KAZN: variants seen among roughly 807,000 people sequenced by gnomAD.
The protein encoded by KAZN is kazrin.
A neutral mutation model predicts 87.4 loss-of-function variants in KAZN; 40 were observed. That is an observed-to-expected ratio of 0.46 (90% CI 0.36 to 0.60). The LOEUF (loss-of-function observed/expected upper bound fraction) is 0.60, where lower values mean the gene tolerates loss of function less well. Among genes scored for constraint, KAZN ranks in the 20% least tolerant of loss-of-function variants. KAZN has a pLI of 0.00. For missense variants in KAZN, 898 were observed against 1,073.9 expected, an observed-to-expected ratio of 0.84 and a Z score of 2.29; for synonymous variants, 466 against 458.3, an observed-to-expected ratio of 1.02 and a Z score of -0.22.
intron 1 of KAZN, among the ~76,000 whole-genome samples, chr1:14,697,363 A>G (rs1641675271): frequency 6.6e-6 from 1 of 152,088 alleles, no homozygotes; most frequent in African/African-American, 2.4e-5. Context: ...AAAGAAAAGA[A>G]AAAGAAAAGG....
rs1171889480 is a variant in KAZN at position 14,934,102 on chromosome 1, G to A, written c.227-26582G>A. 4.6e-5 allele frequency among the ~76,000 whole-genome samples: 7 copies of A among 151,862 alleles called. No homozygotes were observed. In the East Asian group the frequency reaches 5.8e-4, roughly 13 times the overall value. On this transcript the variant is annotated intron_variant, in intron 1 of 14. Transcript: ENST00000376030. ...GATCTCCTGACCTTGTGATCCGCCC[G>A]CCTCGGCCTCCCAAAGTGCTGGGAT... is the stretch of plus-strand genomic sequence containing the variant.
intron 2 of KAZN, among the ~76,000 whole-genome samples, chr1:14,975,956 C>T (rs547636340): frequency 3.4e-5 from 5 of 148,572 alleles, no homozygotes; most frequent in African/African-American, 1.2e-4. Context: ...GGCGCGAACC[C>T]GGGAGGCGGA....
At chr1:14,529,121 T>C (rs947542789) in intron 2 of KAZN, among the ~76,000 whole-genome samples, 1 of 152,110 alleles carries the variant, frequency 6.6e-6, no homozygotes, top group Non-Finnish European at 1.5e-5. Flanking sequence ...ATGACCAGCA[T>C]GGTGAAACCC....
intron 2 of KAZN, among the ~76,000 whole-genome samples, chr1:14,419,938 C>T (rs551616410): frequency 2.0e-5 from 3 of 152,164 alleles, no homozygotes; most frequent in African/African-American, 4.8e-5. Flanking sequence ...AAGAACAAAA[C>T]TTCCACAAGG....
intron 2 of KAZN, among the ~76,000 whole-genome samples, chr1:14,476,135 C>T (rs535563756): frequency 2.6e-5 from 4 of 152,258 alleles, no homozygotes; most frequent in Admixed American, 2.0e-4. Context: ...GGTGCACATT[C>T]GGACTGGTTT....
chr1:14,994,335 T>G (rs1239847940), intron 2 of KAZN, among the ~76,000 whole-genome samples: 1 of 152,238 alleles, frequency 6.6e-6, no homozygotes, highest in East Asian at 1.9e-4. Context: ...TGCTGACAGC[T>G]GCAGTTTGCC....
intron 1 of KAZN, among the ~76,000 whole-genome samples, chr1:14,625,559 T>C (rs1037586167): frequency 3.3e-5 from 5 of 152,234 alleles, no homozygotes; most frequent in African/African-American, 1.2e-4. Flanking sequence ...TCCAGTCATA[T>C]TTCATCAATT....
intron 1 of KAZN, among the ~76,000 whole-genome samples, chr1:13,904,018 G>A (rs572088964): frequency 7.2e-5 from 11 of 152,286 alleles, no homozygotes; most frequent in Admixed American, 3.3e-4. Context: ...CAGAGACATG[G>A]TAGACTCAGA....
chr1:14,262,186 G>A (rs1471801215), intron 2 of KAZN, among the ~76,000 whole-genome samples: 4 of 152,144 alleles, frequency 2.6e-5, no homozygotes, highest in South Asian at 2.1e-4. Flanking sequence ...AGCTGAGACA[G>A]GAGGATTGCT....
rs200465845 is a variant in KAZN at position 15,056,207 on chromosome 1, G to A, written c.843G>A (p.Pro281=). Residue 281 remains proline, a synonymous_variant, in exon 5 of 15, where the codon CCG becomes CCA. Coordinates refer to ENST00000376030, the MANE Select transcript of KAZN (RefSeq NM_201628.3). This position sits in a 1 kb window ranked among gnomAD's most constrained non-coding sequence, Gnocchi z 5.4. ...NQEWVVQADL[P]LTAAIRQSQQ... ...AGTGGGTGGTGCAGGCGGACCTCCC[G>A]CTGACCGCAGCCATCCGGCAGAGTC... is the stretch of plus-strand genomic sequence containing the variant. 59 of 1,613,942 alleles carry A rather than the reference G, an allele frequency of 3.7e-5. No individual in the cohort carries two copies. Among genetic ancestry groups the A allele is most frequent in the Non-Finnish European group, 4.6e-5 (54 of 1,180,008 alleles).
At chr1:15,088,774 G>C (rs184653234) in intron 8 of KAZN, among the ~76,000 whole-genome samples, 17 of 152,124 alleles carry the variant, frequency 1.1e-4, no homozygotes, top group Admixed American at 1.1e-3. Flanking sequence ...CCTCAGGGGT[G>C]GGGGAGAAGG....
At chr1:14,115,927 G>A (rs375884729) in intron 1 of KAZN, among the ~76,000 whole-genome samples, 1 of 152,290 alleles carries the variant, frequency 6.6e-6, no homozygotes, top group South Asian at 2.1e-4. Context: ...AAAGAGTCTG[G>A]CAGCATTTTG....
chr1:14,787,851 G>T (rs1368366778), intron 1 of KAZN, among the ~76,000 whole-genome samples: 2 of 152,122 alleles, frequency 1.3e-5, no homozygotes, highest in African/African-American at 4.8e-5. Flanking sequence ...CGGGGGTGGA[G>T]GCCGTGGGGA....
chr1:14,865,634 C>T (rs896033839), intron 1 of KAZN, among the ~76,000 whole-genome samples: 1 of 152,212 alleles, frequency 6.6e-6, no homozygotes, highest in Non-Finnish European at 1.5e-5. Flanking sequence ...ACCACCCTCC[C>T]CCTTGCTCTC....
chr1:13,969,282 C>T (rs1324549692), intron 1 of KAZN, among the ~76,000 whole-genome samples: 1 of 152,132 alleles, frequency 6.6e-6, no homozygotes, highest in African/African-American at 2.4e-5. Context: ...AGAGTCATTG[C>T]AGATGTCATT....
intron 2 of KAZN, among the ~76,000 whole-genome samples, chr1:14,287,922 A>C (rs990338670): frequency 6.6e-6 from 1 of 152,114 alleles, no homozygotes; most frequent in Non-Finnish European, 1.5e-5. Flanking sequence ...CCTTTTGTGC[A>C]TCTGTTGAGA....
intron 2 of KAZN, among the ~76,000 whole-genome samples, chr1:15,008,321 G>A (rs937795529): frequency 6.6e-6 from 1 of 152,130 alleles, no homozygotes; most frequent in African/African-American, 2.4e-5. Flanking sequence ...TGTTACAGTG[G>A]ATCCTGCTGG....
chr1:14,484,190 G>A (rs947076765), intron 2 of KAZN, among the ~76,000 whole-genome samples: 4 of 152,164 alleles, frequency 2.6e-5, no homozygotes, highest in Admixed American at 2.6e-4. Flanking sequence ...TTGAAATCAG[G>A]TAATGTGTGA....
exon 1 of KAZN, chr1:13,893,072 T>C (rs1443145034): frequency 6.6e-6 from 1 of 151,852 alleles, no homozygotes; most frequent in African/African-American, 2.4e-5. Context: ...GCCTGGCGCG[T>C]GCAGGACCTG....
Sources: gnomAD v4.1 joint callset for allele counts (sites outside exome capture counted in the v4.1 genomes callset) on GRCh38, gnomAD v4.1.1 for gene constraint, Gnocchi (gnomAD v3.1) non-coding constraint, MANE v1.5 for transcripts, NCBI Gene and HGNC (gene_info 2026-07-23, HGNC 2026-07-21) for gene names.